Variants in COL5A2 observed in about 807,000 individuals in gnomAD.
COL5A2 encodes the protein collagen alpha-2(V) chain.
In COL5A2, 23 loss-of-function variants were observed where a neutral mutation model predicts 208.2. That is an observed-to-expected ratio of 0.11 (90% CI 0.08 to 0.16). The LOEUF is 0.16. Among genes scored for constraint, COL5A2 ranks in the 10% least tolerant of loss-of-function variants. COL5A2 has a pLI of 1.00. For missense variants in COL5A2, 1,590 were observed against 1,956.4 expected, an observed-to-expected ratio of 0.81 and a Z score of 3.53; for synonymous variants, 625 against 628.5, an observed-to-expected ratio of 0.99 and a Z score of 0.08.
At chr2:189,107,812 T>G (rs1687180347) in intron 2 of COL5A2, among the ~76,000 whole-genome samples, 1 of 151,758 alleles carries the variant, frequency 6.6e-6, no homozygotes, top group African/African-American at 2.4e-5. Flanking sequence ...GTTAACATTC[T>G]TTTACATTAC....
chr2:189,173,592 A>G (rs1185068612), intron 1 of COL5A2, among the ~76,000 whole-genome samples: 2 of 152,160 alleles, frequency 1.3e-5, no homozygotes, highest in Non-Finnish European at 2.9e-5. Flanking sequence ...TGAACTTTAT[A>G]TGGAGATAAA....
chr2:189,069,115 A>G (rs1686216319), intron 18 of COL5A2, among the ~76,000 whole-genome samples: 1 of 152,258 alleles, frequency 6.6e-6, no homozygotes, highest in East Asian at 1.9e-4. Context: ...TCCATATCCA[A>G]TCTCCAGTTG....
the COL5A2 span, among the ~76,000 whole-genome samples, chr2:189,295,229 T>C: frequency 6.6e-6 from 1 of 152,200 alleles, no homozygotes; most frequent in Non-Finnish European, 1.5e-5. Context: ...AAATGTTCCA[T>C]GCAAAGGACA....
At chr2:189,182,623 C>G (rs1324113860), upstream of COL5A2, among the ~76,000 whole-genome samples, 1 of 152,078 alleles carries the variant, frequency 6.6e-6, no homozygotes, top group Non-Finnish European at 1.5e-5. Context: ...ATGAGAAAAT[C>G]AGGACTTGTA....
chr2:189,152,105 A>C (rs904335426), intron 1 of COL5A2, among the ~76,000 whole-genome samples: 1 of 152,208 alleles, frequency 6.6e-6, no homozygotes, highest in African/African-American at 2.4e-5. Flanking sequence ...ACTCTGCTTT[A>C]AGTACTTCAA....
chr2:189,040,418 T>C (rs1321887854), intron 50 of COL5A2, among the ~76,000 whole-genome samples: 1 of 149,508 alleles, frequency 6.7e-6, no homozygotes, highest in Non-Finnish European at 1.5e-5. Context: ...ACGAAATGGA[T>C]CCTCTCTATT....
chr2:189,304,415 A>G, the COL5A2 span, among the ~76,000 whole-genome samples: 70 of 152,354 alleles, frequency 4.6e-4, no homozygotes, highest in Non-Finnish European at 9.1e-4. Flanking sequence ...TTTATAAAGA[A>G]AAGAGGTTTA....
At chr2:189,377,521 G>A in the COL5A2 span, among the ~76,000 whole-genome samples, 1 of 152,086 alleles carries the variant, frequency 6.6e-6, no homozygotes, top group Non-Finnish European at 1.5e-5. Flanking sequence ...CAAAATAGAA[G>A]CTCAATAAAA....
chr2:189,283,352 T>C, the COL5A2 span, among the ~76,000 whole-genome samples: 210 of 152,084 alleles, frequency 1.4e-3, no homozygotes, highest in East Asian at 7.7e-4. Flanking sequence ...AACGTTACCC[T>C]ATGCAATTTT....
the COL5A2 span, among the ~76,000 whole-genome samples, chr2:189,409,591 G>T: frequency 6.6e-6 from 1 of 152,082 alleles, no homozygotes; most frequent in Admixed American, 6.5e-5. Flanking sequence ...TTCAATAATT[G>T]CATAAATTCA....
the COL5A2 span, among the ~76,000 whole-genome samples, chr2:189,363,383 T>C: frequency 1.3e-5 from 2 of 152,162 alleles, no homozygotes; most frequent in Admixed American, 1.3e-4. Flanking sequence ...TTCTAAACTT[T>C]ATCAAATCCT....
chr2:189,405,203 C>T, the COL5A2 span, among the ~76,000 whole-genome samples: 2 of 150,822 alleles, frequency 1.3e-5, no homozygotes, highest in Non-Finnish European at 3.0e-5. Context: ...AAAATAGTGA[C>T]ATTAGATATT....
chr2:189,210,775 A>ACTG (rs1322459914), intron 1 of COL5A2, among the ~76,000 whole-genome samples: 2 of 152,168 alleles, frequency 1.3e-5, no homozygotes, highest in Non-Finnish European at 2.9e-5. Context: ...ATTAGTATAA[A>ACTG]CTGCTGGTTT....
chr2:189,283,972 T>C, the COL5A2 span, among the ~76,000 whole-genome samples: 2 of 152,108 alleles, frequency 1.3e-5, no homozygotes, highest in African/African-American at 4.8e-5. Flanking sequence ...GAAAAAATAA[T>C]GCTGCTTAGC....
At chr2:189,086,652 A>G in intron 9 of COL5A2, 74 bp downstream of exon 9, 2 of 1,211,496 alleles carry the variant, frequency 1.7e-6, no homozygotes, top group South Asian at 1.3e-5. Context: ...CAGTCATGTC[A>G]CAGAGACCTT....
the COL5A2 span, among the ~76,000 whole-genome samples, chr2:189,342,437 T>C: frequency 6.9e-6 from 1 of 145,748 alleles, no homozygotes. Context: ...GTTTTACATA[T>C]ATATGTATAG....
At chr2:189,046,384 T>G (rs1685667937) in intron 45 of COL5A2, among the ~76,000 whole-genome samples, 1 of 152,206 alleles carries the variant, frequency 6.6e-6, no homozygotes, top group South Asian at 2.1e-4. Flanking sequence ...ATAATCCACC[T>G]TCTCTCATTT....
At chr2:189,381,646 A>G in the COL5A2 span, among the ~76,000 whole-genome samples, 1 of 152,094 alleles carries the variant, frequency 6.6e-6, no homozygotes, top group African/African-American at 2.4e-5. Flanking sequence ...GGTAGTAGGT[A>G]GATAATCTTG....
chr2:189,427,011 T>A, the COL5A2 span, among the ~76,000 whole-genome samples: 2 of 152,198 alleles, frequency 1.3e-5, no homozygotes, highest in Non-Finnish European at 2.9e-5. Flanking sequence ...GAAATTTGCA[T>A]AACTAAAAGG....
Sources: gnomAD v4.1 joint callset for allele counts (sites outside exome capture counted in the v4.1 genomes callset) on GRCh38, gnomAD v4.1.1 for gene constraint, MANE v1.5 for transcripts, NCBI Gene and HGNC (gene_info 2026-07-23, HGNC 2026-07-21) for gene names.